Variants in EVI5 observed in about 807,000 individuals in gnomAD.
The protein encoded by EVI5 is ecotropic viral integration site 5, also known as ecotropic viral integration site 5 protein homolog.
Under a neutral mutation model 112.0 loss-of-function variants are expected in EVI5, and 73 were observed. The ratio of observed to expected loss-of-function variants is 0.65; its 90% CI spans 0.54 to 0.79. The LOEUF (loss-of-function observed/expected upper bound fraction) is 0.79, where lower values mean the gene tolerates loss of function less well. Among genes scored for constraint, EVI5 ranks in the 30% least tolerant of loss-of-function variants. EVI5 has a pLI of 0.00. For missense variants in EVI5, 900 were observed against 968.8 expected (o/e 0.93, Z 0.94); for synonymous variants, 305 against 319.9 (o/e 0.95, Z 0.50).
chr1:92,662,191 T>C lies in EVI5; in HGVS notation c.1392+528A>G, dbSNP rs72966784. Among the ~76,000 whole-genome samples, 457 of 152,332 alleles carry C rather than the reference T, an allele frequency of 3.0e-3. 2 individuals are homozygous for C. The highest frequency in any genetic ancestry group is 9.8e-3 in the African/African-American group (409 of 41,582). ...TTGCAACTTCTCTCCCTTTGAAATA[T>C]AGGCATACACCTTAACCCATAATTC... On this transcript the variant is annotated intron_variant, in intron 13 of 19. Coordinates refer to ENST00000684568, the MANE Select transcript of EVI5 (RefSeq NM_001350197.2).
chr1:92,777,005 T>C (rs548049452), intron 1 of EVI5, among the ~76,000 whole-genome samples: 18 of 152,206 alleles, frequency 1.2e-4, no homozygotes, highest in African/African-American at 3.9e-4. Flanking sequence ...GGTTTCACCA[T>C]GTTAGCCAAG....
intron 19 of EVI5, among the ~76,000 whole-genome samples, chr1:92,535,908 T>TA (rs770299968): frequency 3.3e-4 from 49 of 150,724 alleles, no homozygotes; most frequent in South Asian, 4.2e-4. Flanking sequence ...TACAGTATAA[T>TA]AAAAAAAAAG....
At position 92,727,892 on chromosome 1, in the gene EVI5, G is replaced by A. The variant is rs139099363; in HGVS notation, c.149+8506C>T. 6.8e-3 allele frequency among the ~76,000 whole-genome samples: 1,028 copies of A among 151,992 alleles called. 11 individuals are homozygous for A. Among genetic ancestry groups the A allele is most frequent in the African/African-American group, 0.023 (945 of 41,452 alleles). ...TTTTGTAGTCCCAGCTACTTGGGAG[G>A]CTGAGATGGAAGAACTGCTTGAGTC... On this transcript the variant is annotated intron_variant, in intron 2 of 19. Coordinates refer to ENST00000684568, the MANE Select transcript of EVI5 (RefSeq NM_001350197.2).
At chr1:92,723,904 G>C (rs1165239616) in intron 2 of EVI5, among the ~76,000 whole-genome samples, 1 of 152,182 alleles carries the variant, frequency 6.6e-6, no homozygotes, top group Non-Finnish European at 1.5e-5. Flanking sequence ...GTCTTACGCG[G>C]TTGAGATAAG....
chr1:92,684,001 T>A (rs371676892), intron 9 of EVI5, among the ~76,000 whole-genome samples: 3 of 151,994 alleles, frequency 2.0e-5, no homozygotes, highest in African/African-American at 4.8e-5. Flanking sequence ...CAAAAGAACT[T>A]CCCTAACCTA....
At chr1:92,650,063 C>G (rs1012389570) in intron 13 of EVI5, among the ~76,000 whole-genome samples, 2 of 152,160 alleles carry the variant, frequency 1.3e-5, no homozygotes, top group African/African-American at 4.8e-5. Context: ...TATGCCAGTA[C>G]TACTTTGACT....
chr1:92,683,615 T>A (rs1667967007), intron 9 of EVI5, among the ~76,000 whole-genome samples: 1 of 152,128 alleles, frequency 6.6e-6, no homozygotes, highest in South Asian at 2.1e-4. Flanking sequence ...TTCTCTGAGC[T>A]AAAGGAGCAT....
At chr1:92,661,146 A>C (rs890626046) in intron 13 of EVI5, among the ~76,000 whole-genome samples, 3 of 152,080 alleles carry the variant, frequency 2.0e-5, no homozygotes, top group Non-Finnish European at 4.4e-5. Context: ...ACTATTTGGC[A>C]GTAGGGAGTG....
chr1:92,517,029 T>C (rs920397853), intron 19 of EVI5, among the ~76,000 whole-genome samples: 1 of 152,210 alleles, frequency 6.6e-6, no homozygotes, highest in African/African-American at 2.4e-5. Context: ...GATCCAAGGA[T>C]TTTGAATCCT....
intron 1 of EVI5, among the ~76,000 whole-genome samples, chr1:92,742,357 G>A (rs1233155213): frequency 2.6e-5 from 4 of 151,968 alleles, no homozygotes; most frequent in Admixed American, 6.6e-5. Context: ...ACTGTGCCCA[G>A]CTAACATCAC....
At chr1:92,723,526 A>G (rs1675076664) in intron 2 of EVI5, among the ~76,000 whole-genome samples, 1 of 152,188 alleles carries the variant, frequency 6.6e-6, no homozygotes, top group South Asian at 2.1e-4. Context: ...TTCTCCAATC[A>G]ATACTCTTAT....
intron 1 of EVI5, chr1:92,756,222 G>C (rs1327627164): frequency 9.5e-6 from 4 of 420,164 alleles, no homozygotes; most frequent in Non-Finnish European, 1.4e-5. Context: ...CCTATCAGTG[G>C]AATGGACCTC....
Position 92,561,219 on chromosome 1 carries a change from G to GT in EVI5, c.2166+2422dup, listed in dbSNP as rs1001387646. On this transcript the variant is annotated intron_variant, in intron 19 of 19. Coordinates refer to ENST00000684568, the MANE Select transcript of EVI5 (RefSeq NM_001350197.2). ...CATGCTTCCATATTATATTTCTACA[G>GT]TTTTTTTCTTTCCTTTTTCTCCCAA... Among the ~76,000 whole-genome samples the GT allele has an allele frequency of 7.2e-5, 11 of 151,996 alleles. 1 individual carries two copies. Among genetic ancestry groups the GT allele is most frequent in the Admixed American group, 3.9e-4 (6 of 15,264 alleles).
At chr1:92,727,574 T>G (rs1675764537) in intron 2 of EVI5, among the ~76,000 whole-genome samples, 1 of 152,172 alleles carries the variant, frequency 6.6e-6, no homozygotes, top group Non-Finnish European at 1.5e-5. Flanking sequence ...TCCAACCTAC[T>G]AATTGAGATG....
At chr1:92,538,362 G>C (rs779307010) in intron 19 of EVI5, among the ~76,000 whole-genome samples, 2 of 152,204 alleles carry the variant, frequency 1.3e-5, no homozygotes, top group African/African-American at 2.4e-5. Context: ...GTACCATGTA[G>C]ATTTCCTTTG....
intron 13 of EVI5, among the ~76,000 whole-genome samples, chr1:92,640,734 T>C (rs1254121311): frequency 2.6e-5 from 4 of 152,176 alleles, no homozygotes; most frequent in African/African-American, 9.7e-5. Flanking sequence ...ACCAGGCATA[T>C]ACCCAAAAGA....
At chr1:92,538,566 GTGT>G in intron 19 of EVI5, among the ~76,000 whole-genome samples, 1 of 152,320 alleles carries the variant, frequency 6.6e-6, no homozygotes, top group African/African-American at 2.4e-5. Flanking sequence ...TAGGTGACAA[GTGT>G]TGTGATGCTG....
rs934748115 is a variant in EVI5, at chr1:92,784,937, G to A, written c.-183C>T. On this transcript the variant is annotated 5_prime_UTR_variant, in exon 1 of 20. Transcript: ENST00000684568. ...GCCTCGGCCCCGCTCCTGGCTCCAC[G>A]GGTCGCCCGTCCCGAGTTCCCAAAA... The A allele has an allele frequency of 1.0e-6, 1 of 985,966 alleles. No individual in the cohort carries two copies. Among genetic ancestry groups the A allele is most frequent in the Non-Finnish European group, 1.2e-6 (1 of 830,438 alleles). The allele number at this position is 985,966 out of a possible 1,614,324, so 61.1% of individuals were successfully genotyped here.
chr1:92,744,604 A>T (rs1327496544), intron 1 of EVI5, among the ~76,000 whole-genome samples: 4 of 22,156 alleles, frequency 1.8e-4, no homozygotes, highest in African/African-American at 6.8e-4. Flanking sequence ...TCTCTCTCAC[A>T]CACACACACA....
Sources: gnomAD v4.1 joint callset for allele counts (sites outside exome capture counted in the v4.1 genomes callset) on GRCh38, gnomAD v4.1.1 for gene constraint, MANE v1.5 for transcripts, NCBI Gene and HGNC (gene_info 2026-07-23, HGNC 2026-07-21) for gene names.